The following TENM1 variants were observed in gnomAD, a reference collection of about 807,000 sequenced individuals.
TENM1 encodes teneurin-1.
Under a neutral mutation model 174.8 loss-of-function variants are expected in TENM1, and 35 were observed. The observed-to-expected ratio is 0.20, with a 90% confidence interval of 0.15 to 0.27. The LOEUF (loss-of-function observed/expected upper bound fraction) is 0.27. TENM1 is among the 10% of genes least tolerant of loss of function. The probability of loss-of-function intolerance (pLI) is 1.00; values close to 1 mark genes in which losing one functional copy is unlikely to be tolerated. For synonymous variants in TENM1, 781 were observed against 798.7 expected, an observed-to-expected ratio of 0.98 and a Z score of 0.37; for missense variants, 1,633 against 2,130.1, an observed-to-expected ratio of 0.77 and a Z score of 4.59.
chrX:124,994,290 G>T, the TENM1 span, among the ~76,000 whole-genome samples: 56 of 88,771 alleles, frequency 6.3e-4, no homozygotes, highest in Non-Finnish European at 3.3e-4. Context: ...TCTAAGGATT[G>T]CTATATCTGG....
chrX:124,451,692 G>A (rs1031139447), intron 23 of TENM1, among the ~76,000 whole-genome samples: 1 of 111,657 alleles, frequency 9.0e-6, no homozygotes, highest in African/African-American at 3.3e-5. Flanking sequence ...CAATGGAACA[G>A]AACAGAGCCC....
At chrX:124,402,843 G>A (rs1298493666) in intron 27 of TENM1, among the ~76,000 whole-genome samples, 1 of 109,899 alleles carries the variant, frequency 9.1e-6, no homozygotes, top group African/African-American at 3.3e-5. Flanking sequence ...TTCTCTAGTA[G>A]TACACTTTTA....
chrX:124,579,820 C>A (rs1236042958), intron 11 of TENM1, among the ~76,000 whole-genome samples: 1 of 111,670 alleles, frequency 9.0e-6, no homozygotes, highest in Non-Finnish European at 1.9e-5. Context: ...GCTTTATATA[C>A]TTTGATTAAA....
At chrX:124,979,830 C>T in the TENM1 span, among the ~76,000 whole-genome samples, 1 of 111,400 alleles carries the variant, frequency 9.0e-6, no homozygotes, top group African/African-American at 3.3e-5. Flanking sequence ...AAGAGACATA[C>T]TAACAAATTG....
chrX:124,418,814 G>A (rs772106489), intron 25 of TENM1, among the ~76,000 whole-genome samples: 61 of 111,604 alleles, frequency 5.5e-4, no homozygotes, highest in Admixed American at 1.5e-3. Context: ...AGTGTGATCC[G>A]GCTTGAGTTT....
At chrX:124,695,235 A>G (rs1487651268) in intron 5 of TENM1, among the ~76,000 whole-genome samples, 1 of 111,356 alleles carries the variant, frequency 9.0e-6, no homozygotes, top group African/African-American at 3.3e-5. Context: ...TTTTGCCACA[A>G]CAAAGACTGA....
At chrX:124,707,359 C>A (rs981837610) in intron 4 of TENM1, among the ~76,000 whole-genome samples, 1 of 110,943 alleles carries the variant, frequency 9.0e-6, no homozygotes, top group African/African-American at 3.3e-5. Context: ...ACATATATAA[C>A]AATTGTGCAT....
chrX:125,108,954 T>C, the TENM1 span, among the ~76,000 whole-genome samples: 1 of 110,731 alleles, frequency 9.0e-6, no homozygotes, highest in South Asian at 3.9e-4. Context: ...TAAAGTCTCA[T>C]TAGACTTTGT....
At chrX:124,779,636 G>A (rs911056109) in intron 3 of TENM1, among the ~76,000 whole-genome samples, 1 of 111,384 alleles carries the variant, frequency 9.0e-6, no homozygotes, top group African/African-American at 3.3e-5. Context: ...GTGCAAATGG[G>A]AAAAGTTTTA....
Position 124,961,551 on chromosome X carries a change from C to T in TENM1, c.217+1986G>A, listed in dbSNP as rs182362013. Reference sequence around the variant, plus strand: ...CCCAGCTACTCGGGAGGCTAAGGCACGAGAATCACTTGAGCCTACGAGGCA... The same window carrying T: ...CCCAGCTACTCGGGAGGCTAAGGCATGAGAATCACTTGAGCCTACGAGGCA... On this transcript the variant is annotated intron_variant, in intron 1 of 31. Coordinates refer to ENST00000422452, the Ensembl canonical transcript of TENM1. 2.8e-3 allele frequency among the ~76,000 whole-genome samples: 310 copies of T among 110,804 alleles called. 6 individuals are homozygous for T. The highest frequency in any genetic ancestry group is 9.5e-3 in the African/African-American group (289 of 30,488).
At chrX:125,052,986 T>C in the TENM1 span, among the ~76,000 whole-genome samples, 1 of 112,446 alleles carries the variant, frequency 8.9e-6, no homozygotes, top group Non-Finnish European at 1.9e-5. Flanking sequence ...ATTACCATAA[T>C]CAAGCTCATT....
chrX:124,880,814 T>C (rs980974615), intron 3 of TENM1, among the ~76,000 whole-genome samples: 1 of 112,171 alleles, frequency 8.9e-6, no homozygotes, highest in African/African-American at 3.2e-5. Context: ...TCCTTCATTC[T>C]GTTGATGTGA....
chrX:124,642,272 C>G (rs1268211487), intron 10 of TENM1, among the ~76,000 whole-genome samples: 2 of 112,142 alleles, frequency 1.8e-5, no homozygotes, highest in South Asian at 7.4e-4. Flanking sequence ...GCAGTACCCC[C>G]ACACAAATAA....
At chrX:124,804,042 T>C (rs967091949) in intron 3 of TENM1, among the ~76,000 whole-genome samples, 1 of 111,933 alleles carries the variant, frequency 8.9e-6, no homozygotes, top group South Asian at 3.7e-4. Flanking sequence ...AAATCTTAAT[T>C]GGCAGTAATT....
At chrX:124,520,450 C>T (rs2047815738) in intron 18 of TENM1, 67 bp downstream of exon 21, 1 of 961,840 alleles carries the variant, frequency 1.0e-6, no homozygotes. Context: ...TACAAATTAA[C>T]ATGTAACAAG....
the TENM1 span, among the ~76,000 whole-genome samples, chrX:124,995,606 C>T: frequency 7.6e-4 from 85 of 111,277 alleles, 1 homozygote; most frequent in African/African-American, 2.6e-3. Flanking sequence ...ACGTATGCAT[C>T]GAATTTTTCA....
chrX:125,130,687 T>C, the TENM1 span, among the ~76,000 whole-genome samples: 2 of 109,341 alleles, frequency 1.8e-5, no homozygotes, highest in Non-Finnish European at 3.8e-5. Context: ...TGGCTTTATA[T>C]ACAAGCTGAC....
intron 11 of TENM1, among the ~76,000 whole-genome samples, chrX:124,625,435 TAATAAC>T (rs1376219585): frequency 2.7e-5 from 3 of 111,108 alleles, no homozygotes; most frequent in Non-Finnish European, 3.8e-5. Context: ...TGACGACACT[TAATAAC>T]AATATATTAT....
intron 11 of TENM1, among the ~76,000 whole-genome samples, chrX:124,618,142 TAA>T (rs2050437599): frequency 8.9e-6 from 1 of 112,342 alleles, no homozygotes; most frequent in African/African-American, 3.2e-5. Context: ...TTTTCCCACT[TAA>T]TCAGAGAGAT....
Sources: gnomAD v4.1 joint callset for allele counts (sites outside exome capture counted in the v4.1 genomes callset) on GRCh38, gnomAD v4.1.1 for gene constraint, MANE v1.5 for transcripts, NCBI Gene and HGNC (gene_info 2026-07-23, HGNC 2026-07-21) for gene names.